Variants in SLC1A1 observed in about 807,000 individuals in gnomAD.
The protein encoded by SLC1A1 is excitatory amino acid transporter 3.
A neutral mutation model predicts 53.3 loss-of-function variants in SLC1A1; 43 were observed. The observed-to-expected ratio is 0.81, with a 90% CI of 0.63 to 1.04. The LOEUF is 1.04. Ranked by LOEUF, SLC1A1 falls within the 50% of genes least tolerant of loss-of-function variation. The pLI, the probability that SLC1A1 is intolerant of heterozygous loss-of-function variation, is 0.00. For missense variants in SLC1A1, 748 were observed against 664.9 expected (o/e 1.12, Z -1.37); for synonymous variants, 307 against 243.2 (o/e 1.26, Z -2.44).
intron 2 of SLC1A1, among the ~76,000 whole-genome samples, chr9:4,545,608 G>A (rs1049605023): frequency 2.6e-5 from 4 of 152,196 alleles, no homozygotes; most frequent in African/African-American, 9.7e-5. Flanking sequence ...GCCAGAACTT[G>A]CTATGTGTCT....
intron 1 of SLC1A1, among the ~76,000 whole-genome samples, chr9:4,534,677 A>G (rs1257116851): frequency 7.2e-6 from 1 of 139,440 alleles, no homozygotes; most frequent in East Asian, 2.0e-4. Context: ...ATTCCAATCA[A>G]TAGAAAAAGA....
intron 2 of SLC1A1, among the ~76,000 whole-genome samples, chr9:4,550,375 G>C (rs1046554597): frequency 6.6e-6 from 1 of 152,148 alleles, no homozygotes; most frequent in Admixed American, 6.6e-5. Context: ...TAGGATCAGA[G>C]GTTTTCTACT....
In SLC1A1 at chr9:4,576,217, T is replaced by C. The variant is rs553570713; in HGVS notation, c.998+94T>C. 42 of 1,260,478 alleles carry C rather than the reference T, an allele frequency of 3.3e-5. No homozygotes were observed. The South Asian group carries it at 4.9e-4, about 15-fold the overall frequency. The allele number at this position is 1,260,478 out of a possible 1,614,324, so 78.1% of individuals were successfully genotyped here. On this transcript the variant is annotated intron_variant, in intron 9 of 11. Coordinates refer to ENST00000262352, the MANE Select transcript of SLC1A1 (RefSeq NM_004170.6). ...AAAACAGACTCCAGCTTGCGGTTTTTGTAGCTGTCTTTGAGAAATGACCTC... is the reference window on the plus strand; with the variant it reads ...AAAACAGACTCCAGCTTGCGGTTTTCGTAGCTGTCTTTGAGAAATGACCTC...
chr9:4,574,054 A>G, intron 8 of SLC1A1, 40 bp downstream of exon 8: 1 of 1,313,554 alleles, frequency 7.6e-7, no homozygotes, highest in South Asian at 1.2e-5. Context: ...ACCTCCTTTG[A>G]TCTAATAGGA....
rs193020867 is a variant in SLC1A1, at chr9:4,541,275, C to A, written c.92-3292C>A. 2.1e-3 allele frequency among the ~76,000 whole-genome samples: 313 copies of A among 152,278 alleles called. 6 individuals carry two copies. The highest frequency in any genetic ancestry group is 2.4e-4 in the Non-Finnish European group (16 of 68,024). On this transcript the variant is annotated intron_variant, in intron 1 of 11. Transcript: ENST00000262352. ...GGAATAGCCATCCAAGAATCATGGACTCTAGAGAAATGGGGTCAGTGCTTC... is the reference window on the plus strand; with the variant it reads ...GGAATAGCCATCCAAGAATCATGGAATCTAGAGAAATGGGGTCAGTGCTTC...
intron 10 of SLC1A1, among the ~76,000 whole-genome samples, chr9:4,579,744 T>C (rs943306938): frequency 6.6e-6 from 1 of 152,200 alleles, no homozygotes; most frequent in African/African-American, 2.4e-5. Context: ...ATGTGACTAA[T>C]GGTTAAAGAG....
intron 1 of SLC1A1, among the ~76,000 whole-genome samples, chr9:4,538,103 C>T (rs1429706796): frequency 6.6e-6 from 1 of 152,084 alleles, no homozygotes; most frequent in Non-Finnish European, 1.5e-5. Context: ...ATATCTGAGA[C>T]AGGTCTCAGT....
intron 1 of SLC1A1, among the ~76,000 whole-genome samples, chr9:4,538,069 C>G (rs535723407): frequency 1.3e-5 from 2 of 152,056 alleles, no homozygotes; most frequent in South Asian, 2.1e-4. Context: ...TAGTTCAAGG[C>G]CTGACATATA....
At chr9:4,497,719 G>T (rs1320235653) in intron 1 of SLC1A1, among the ~76,000 whole-genome samples, 1 of 152,028 alleles carries the variant, frequency 6.6e-6, no homozygotes, top group East Asian at 1.9e-4. Flanking sequence ...CTAGATTACA[G>T]ACCCCTTGAG....
rs1167360811 is a variant in SLC1A1 at position 4,549,897 on chromosome 9, A to T, written c.232+5190A>T. On this transcript the variant is annotated intron_variant, in intron 2 of 11. Transcript: ENST00000262352. This position sits in a 1 kb window ranked among gnomAD's most constrained non-coding sequence, Gnocchi z 4.1. ...TGTGCACATTTCTTCCTCCAGAGCA[A>T]GGAGTTGCTCATTCCTAACCCTTCC... 6.6e-6 allele frequency among the ~76,000 whole-genome samples: 1 copy of T among 152,154 alleles called. No homozygotes were observed.
chr9:4,525,845 G>C (rs1463811905), intron 1 of SLC1A1, among the ~76,000 whole-genome samples: 1 of 152,004 alleles, frequency 6.6e-6, no homozygotes, highest in Non-Finnish European at 1.5e-5. Flanking sequence ...CATAGATTTG[G>C]AAACTGAAAC....
intron 1 of SLC1A1, 85 bp from the exon 2 acceptor site, chr9:4,544,482 A>AT: frequency 8.5e-7 from 1 of 1,176,900 alleles, no homozygotes; most frequent in Admixed American, 1.7e-5. Context: ...TAAAATGTGC[A>AT]TTTGGGAGTA....
intron 2 of SLC1A1, among the ~76,000 whole-genome samples, chr9:4,545,189 G>GTCTCTC (rs6150901): frequency 0.042 from 5,443 of 130,948 alleles, 173 homozygotes; most frequent in South Asian, 0.056. Flanking sequence ...TACATTAGAT[G>GTCTCTC]TCTCTCTCTC....
intron 1 of SLC1A1, among the ~76,000 whole-genome samples, chr9:4,511,450 C>T (rs1042534358): frequency 6.6e-6 from 1 of 152,058 alleles, no homozygotes; most frequent in African/African-American, 2.4e-5. Flanking sequence ...CCTTCTAACA[C>T]CATCACATTG....
At chr9:4,571,519 T>C (rs1820046833) in intron 6 of SLC1A1, among the ~76,000 whole-genome samples, 1 of 151,892 alleles carries the variant, frequency 6.6e-6, no homozygotes. Context: ...CTACTAAAAA[T>C]ACAAAAAATT....
chr9:4,541,477 T>A (rs1240908758), intron 1 of SLC1A1, among the ~76,000 whole-genome samples: 3 of 152,222 alleles, frequency 2.0e-5, no homozygotes, highest in African/African-American at 7.2e-5. Flanking sequence ...CATTCCATCC[T>A]AGTTAGTGTG....
chr9:4,498,779 G>T (rs1032759134), intron 1 of SLC1A1, among the ~76,000 whole-genome samples: 3 of 150,602 alleles, frequency 2.0e-5, no homozygotes, highest in African/African-American at 4.9e-5. Flanking sequence ...TTTGGGAGTT[G>T]CTAGTGAGTT....
intron 1 of SLC1A1, among the ~76,000 whole-genome samples, chr9:4,500,850 A>G (rs72687849): frequency 0.019 from 2,849 of 152,218 alleles, 42 homozygotes; most frequent in Non-Finnish European, 0.028. Context: ...AAATAGTCCT[A>G]TACTTTCTGG....
chr9:4,551,329 A>G (rs1564028712), intron 2 of SLC1A1, among the ~76,000 whole-genome samples: 1 of 152,262 alleles, frequency 6.6e-6, no homozygotes, highest in East Asian at 1.9e-4. Flanking sequence ...GACAAGGTTC[A>G]GTTTTATTCA....
Sources: allele counts gnomAD v4.1 joint callset (sites outside exome capture counted in the v4.1 genomes callset), GRCh38; gene constraint gnomAD v4.1.1; non-coding constraint Gnocchi (gnomAD v3.1); transcripts MANE v1.5; gene names NCBI Gene and HGNC (gene_info 2026-07-23, HGNC 2026-07-21).